CHDH: variants seen among roughly 807,000 people sequenced by gnomAD.
CHDH encodes the protein choline dehydrogenase, mitochondrial.
In CHDH, 43 loss-of-function variants were observed where a neutral mutation model predicts 56.9. That is an observed-to-expected ratio of 0.76 (90% CI 0.59 to 0.97). CHDH has a LOEUF of 0.97. Among genes scored for constraint, CHDH ranks in the 50% least tolerant of loss-of-function variants. The pLI is 0.00. For missense variants in CHDH, 816 were observed against 821.1 expected (o/e 0.99, Z 0.08); for synonymous variants, 364 against 348.5 (o/e 1.04, Z -0.50).
intron 1 of CHDH, among the ~76,000 whole-genome samples, chr3:53,842,020 G>A (rs1698683216): frequency 1.3e-5 from 2 of 151,946 alleles, no homozygotes; most frequent in Non-Finnish European, 2.9e-5. Context: ...GTCAGGCATG[G>A]TGGTGTGCAC....
rs142119084 is a variant in CHDH, at chr3:53,832,467, G to A, written c.-59-8400C>T. Among the ~76,000 whole-genome samples, 901 of 152,190 alleles carry A rather than the reference G, an allele frequency of 5.9e-3. 12 individuals carry two copies. Among genetic ancestry groups the A allele is most frequent in the African/African-American group, 0.021 (886 of 41,514 alleles). ...GAATGGTGTGAACCCAGGAGGCGGAGCTTGCAGTGAGCCGAGATCGTACCA... is the reference window on the plus strand; with the variant it reads ...GAATGGTGTGAACCCAGGAGGCGGAACTTGCAGTGAGCCGAGATCGTACCA... On this transcript the variant is annotated intron_variant, in intron 2 of 8. Transcript: ENST00000315251.
intron 2 of CHDH, among the ~76,000 whole-genome samples, chr3:53,835,880 G>C (rs1698477241): frequency 6.6e-6 from 1 of 152,138 alleles, no homozygotes; most frequent in Non-Finnish European, 1.5e-5. Context: ...AGCCTGAAGA[G>C]GTCGAGCCCC....
Position 53,831,420 on chromosome 3 carries a change from G to A in CHDH, c.-59-7353C>T, listed in dbSNP as rs532276433. ...CCTGGGGCCTTGTGTGAATACAGGCGGTAGCCACATAGTGGTTACAGCAGG... is the reference window on the plus strand; with the variant it reads ...CCTGGGGCCTTGTGTGAATACAGGCAGTAGCCACATAGTGGTTACAGCAGG... On this transcript the variant is annotated intron_variant, in intron 2 of 8. Coordinates refer to ENST00000315251, the MANE Select transcript of CHDH (RefSeq NM_018397.5). Among the ~76,000 whole-genome samples the A allele has an allele frequency of 4.6e-5, 7 of 152,348 alleles. No individual in the cohort carries two copies. The South Asian group carries it at 8.3e-4, about 18-fold the overall frequency.
rs377068210 is a variant in CHDH, at chr3:53,836,516, C to T, written c.-60+4413G>A. Among the ~76,000 whole-genome samples the T allele has an allele frequency of 7.2e-5, 11 of 152,360 alleles. No individual in the cohort carries two copies. In the South Asian group the frequency reaches 1.2e-3, roughly 17 times the overall value. On this transcript the variant is annotated intron_variant, in intron 2 of 8. Transcript: ENST00000315251. ...CCTTCCCTCAGGCATGGATTGCCCT[C>T]CTCACCACTGACCACATCCATCCTG...
chr3:53,842,488 C>T (rs974820174), intron 1 of CHDH, among the ~76,000 whole-genome samples: 2 of 152,162 alleles, frequency 1.3e-5, no homozygotes, highest in African/African-American at 4.8e-5. Flanking sequence ...TACCTGTCTC[C>T]TCTGCATCCG....
intron 2 of CHDH, among the ~76,000 whole-genome samples, chr3:53,830,475 C>T (rs1185065752): frequency 6.6e-6 from 1 of 151,266 alleles, no homozygotes; most frequent in African/African-American, 2.4e-5. Flanking sequence ...TTCATATATG[C>T]ACCAAATATC....
intron 2 of CHDH, among the ~76,000 whole-genome samples, chr3:53,840,536 A>AT (rs1316295723): frequency 6.6e-6 from 1 of 151,220 alleles, no homozygotes; most frequent in African/African-American, 2.4e-5. Context: ...CAAAAAAAAA[A>AT]AGTTATCTAG....
intron 2 of CHDH, among the ~76,000 whole-genome samples, chr3:53,833,880 G>A (rs1698415379): frequency 1.3e-5 from 2 of 152,154 alleles, no homozygotes; most frequent in Admixed American, 6.5e-5. Flanking sequence ...CCGCGGCACT[G>A]GGCAGCCCCA....
chr3:53,841,837 A>C (rs1698677835), intron 1 of CHDH, among the ~76,000 whole-genome samples: 1 of 152,142 alleles, frequency 6.6e-6, no homozygotes, highest in South Asian at 2.1e-4. Flanking sequence ...CACAAATCAC[A>C]AATATAAAGT....
chr3:53,821,840 C>T (rs780259324), intron 4 of CHDH, 64 bp from the exon 5 acceptor site: 333 of 1,591,198 alleles, frequency 2.1e-4, no homozygotes, highest in Non-Finnish European at 1.8e-4. Flanking sequence ...CACAGACCAG[C>T]GCCCTACTCT....
chr3:53,823,921 G>T lies in CHDH; in HGVS notation c.88C>A (p.Leu30Met). Reference protein sequence around the residue: ...GQQQSLGARALASAGSESRDE... With the variant: ...GQQQSLGARAMASAGSESRDE... ...CGGCTCTCAGAGCCTGCGCTGGCCA[G>T]GGCCCGGGCACCCAGGGATTGCTGC... is the stretch of plus-strand genomic sequence containing the variant. Residue 30 changes from leucine to methionine, a missense_variant, in exon 3 of 9, where the codon CTG becomes ATG. By Grantham distance (15) the Leu-to-Met change is conservative. Coordinates refer to ENST00000315251, the MANE Select transcript of CHDH (RefSeq NM_018397.5). 1 of 1,549,070 alleles carries T rather than the reference G, an allele frequency of 6.5e-7. No individual in the cohort carries two copies.
At chr3:53,837,943 C>T (rs1698551468) in intron 2 of CHDH, among the ~76,000 whole-genome samples, 1 of 151,826 alleles carries the variant, frequency 6.6e-6, no homozygotes, top group Non-Finnish European at 1.5e-5. Flanking sequence ...CTTGTAGTCC[C>T]AGCTACTCGA....
chr3:53,845,643 A>G (rs1050036759), intron 1 of CHDH, among the ~76,000 whole-genome samples: 4 of 152,116 alleles, frequency 2.6e-5, no homozygotes, highest in Non-Finnish European at 4.4e-5. Context: ...GAGGCTCGTT[A>G]AATGCAGATC....
rs1410036727 is a variant in CHDH at position 53,830,590 on chromosome 3, A to G, written c.-59-6523T>C. On this transcript the variant is annotated intron_variant, in intron 2 of 8. Coordinates refer to ENST00000315251, the MANE Select transcript of CHDH (RefSeq NM_018397.5). ...TACTCAGATTTCAATAATGGACAGA[A>G]GCTAGACAGAAGATCAGTAAGGAAA... is the stretch of plus-strand genomic sequence containing the variant. 3.3e-5 allele frequency among the ~76,000 whole-genome samples: 5 copies of G among 152,222 alleles called. No individual in the cohort carries two copies. In the East Asian group the frequency reaches 9.6e-4, roughly 29 times the overall value.
At chr3:53,822,330 C>T (rs1322910088) in intron 4 of CHDH, among the ~76,000 whole-genome samples, 161 bp downstream of exon 4, 1 of 152,058 alleles carries the variant, frequency 6.6e-6, no homozygotes, top group African/African-American at 2.4e-5. Flanking sequence ...TTCTTCACCT[C>T]CACCAGCCCA....
Position 53,819,520 on chromosome 3 carries a change from CCACCTGCT to C in CHDH, c.1263+4_1263+11del. 6.3e-7 allele frequency: 1 copy of C among 1,597,492 alleles called. No individual in the cohort carries two copies. Among genetic ancestry groups the C allele is most frequent in the Non-Finnish European group, 8.5e-7 (1 of 1,172,536 alleles). On this transcript the variant is annotated splice_donor_5th_base_variant and intron_variant, in intron 7 of 8. Transcript: ENST00000315251. The surrounding 1 kb of genome is among the most constrained non-coding windows in gnomAD (Gnocchi z 5.4). Reference sequence around the variant, plus strand: ...GACATCCTGGGAAGCCGAGGCTCTTCCACCTGCTCACCTGGTAAGCCTCCTGCTGGGTG... The same window carrying C: ...GACATCCTGGGAAGCCGAGGCTCTTCCACCTGGTAAGCCTCCTGCTGGGTG...
rs1363373928 is a variant in CHDH at position 53,820,621 on chromosome 3, G to A, written c.986-13C>T. The stretch of plus-strand genomic sequence containing the variant: ...TTCTGGCCAACCCCTGATACGGGAA[G>A]GAGTGGTTTAGAAAATGGCTACCAA... On this transcript the variant is annotated splice_polypyrimidine_tract_variant and intron_variant, in intron 5 of 8. Coordinates refer to ENST00000315251, the MANE Select transcript of CHDH (RefSeq NM_018397.5). The A allele has an allele frequency of 6.9e-6, 11 of 1,604,998 alleles. No homozygotes were observed. Among genetic ancestry groups the A allele is most frequent in the Non-Finnish European group, 8.5e-6 (10 of 1,176,210 alleles).
rs751308751 is a variant in CHDH, at chr3:53,819,681, AGCAGAAGAGGATGAG to A, written c.1121-22_1121-8del. On this transcript the variant is annotated splice_region_variant and splice_polypyrimidine_tract_variant and intron_variant, in intron 6 of 8. Transcript: ENST00000315251. This position sits in a 1 kb window ranked among gnomAD's most constrained non-coding sequence, Gnocchi z 5.4. ...TGGGCAGTGGCTCCCTCCCCTGAGA[AGCAGAAGAGGATGAG>A]GCAGAAGAGCCAGTCAGGCCGTGGC... 64 of 1,590,762 alleles carry A rather than the reference AGCAGAAGAGGATGAG, an allele frequency of 4.0e-5. No individual in the cohort carries two copies. In the Middle Eastern group the frequency reaches 5.0e-4, roughly 13 times the overall value.
rs2095610714 is a variant in CHDH at position 53,813,783 on chromosome 3, T to C, written c.*3994A>G. On this transcript the variant is annotated 3_prime_UTR_variant, in exon 9 of 9. Transcript: ENST00000315251. ...TTGTTTTCCCTTGTCTTAGGAAAGT[T>C]TTAAGATGAAATGTTTTTCCTTTTT... is the stretch of plus-strand genomic sequence containing the variant. 6.6e-6 allele frequency: 1 copy of C among 152,230 alleles called. No individual in the cohort carries two copies. The allele number at this position is 152,230 out of a possible 1,614,324, so 9.4% of individuals were successfully genotyped here. A position where few individuals can be genotyped will look rare whatever the true frequency, so the allele number is the denominator to read the frequency against.
Sources: gnomAD v4.1 joint callset for allele counts (sites outside exome capture counted in the v4.1 genomes callset) on GRCh38, gnomAD v4.1.1 for gene constraint, Gnocchi (gnomAD v3.1) non-coding constraint, MANE v1.5 for transcripts, NCBI Gene and HGNC (gene_info 2026-07-23, HGNC 2026-07-21) for gene names.